CACNA2D3: variants seen among roughly 807,000 people sequenced by gnomAD.
The protein encoded by CACNA2D3 is calcium voltage-gated channel auxiliary subunit alpha2delta 3, also known as voltage-dependent calcium channel subunit alpha-2/delta-3.
A neutral mutation model predicts 160.6 loss-of-function variants in CACNA2D3; 60 were observed. The ratio of observed to expected loss-of-function variants is 0.37; its 90% CI spans 0.30 to 0.46. The LOEUF (loss-of-function observed/expected upper bound fraction) is 0.46. CACNA2D3 is among the 20% of genes least tolerant of loss of function. The pLI, the probability that CACNA2D3 is intolerant of heterozygous loss-of-function variation, is 1.00. For missense variants in CACNA2D3, 1,205 were observed against 1,365.0 expected (o/e 0.88, Z 1.85); for synonymous variants, 558 against 492.9 (o/e 1.13, Z -1.75).
chr3:54,685,052 T>C (rs573660836), intron 11 of CACNA2D3, among the ~76,000 whole-genome samples: 6 of 152,160 alleles, frequency 3.9e-5, no homozygotes, highest in Non-Finnish European at 8.8e-5. Context: ...ATGTGCGTCT[T>C]GGCAGCTGAG....
chr3:54,491,016 ATATATACG>A, intron 4 of CACNA2D3, among the ~76,000 whole-genome samples: 1 of 152,282 alleles, frequency 6.6e-6, no homozygotes, highest in East Asian at 1.9e-4. Context: ...CATATAAGGA[ATATATACG>A]TATCTCATTA....
chr3:54,688,171 C>G (rs997160967), intron 11 of CACNA2D3, among the ~76,000 whole-genome samples: 1 of 152,168 alleles, frequency 6.6e-6, no homozygotes, highest in Non-Finnish European at 1.5e-5. Flanking sequence ...GCAAACATGA[C>G]TCTTTGTCCC....
chr3:54,375,316 A>G (rs534755924), intron 3 of CACNA2D3, among the ~76,000 whole-genome samples: 2 of 152,300 alleles, frequency 1.3e-5, no homozygotes, highest in East Asian at 3.9e-4. Flanking sequence ...ATATTCCCAG[A>G]TGAACACAGT....
At chr3:54,142,983 T>C (rs1699964758) in intron 2 of CACNA2D3, among the ~76,000 whole-genome samples, 1 of 152,194 alleles carries the variant, frequency 6.6e-6, no homozygotes, top group East Asian at 1.9e-4. Context: ...ACAACAACCC[T>C]GAGTGATAAG....
chr3:54,596,436 C>T (rs907380354), intron 9 of CACNA2D3, among the ~76,000 whole-genome samples: 2 of 152,120 alleles, frequency 1.3e-5, no homozygotes, highest in African/African-American at 4.8e-5. Flanking sequence ...TGGCAAACTC[C>T]CTATTAGTAC....
intron 2 of CACNA2D3, among the ~76,000 whole-genome samples, chr3:54,243,902 A>G (rs1702019689): frequency 6.6e-6 from 1 of 152,198 alleles, no homozygotes; most frequent in Non-Finnish European, 1.5e-5. Flanking sequence ...GGAAATTAGA[A>G]TGCATCTGCA....
intron 11 of CACNA2D3, among the ~76,000 whole-genome samples, chr3:54,727,497 G>A (rs1701300493): frequency 6.6e-6 from 1 of 152,134 alleles, no homozygotes; most frequent in Non-Finnish European, 1.5e-5. Context: ...GCAAAGACTT[G>A]GAACCAACCC....
intron 2 of CACNA2D3, among the ~76,000 whole-genome samples, chr3:54,131,504 T>G (rs972043259): frequency 2.6e-5 from 4 of 152,154 alleles, no homozygotes; most frequent in East Asian, 3.9e-4. Flanking sequence ...GCAGATAACC[T>G]CTAATCCCGA....
At chr3:54,473,694 A>G (rs553286424) in intron 4 of CACNA2D3, among the ~76,000 whole-genome samples, 1 of 152,340 alleles carries the variant, frequency 6.6e-6, no homozygotes, top group East Asian at 1.9e-4. Flanking sequence ...CAAGGAAGAA[A>G]CAAACAACCC....
At chr3:54,441,190 G>A (rs1700139079) in intron 4 of CACNA2D3, among the ~76,000 whole-genome samples, 1 of 152,180 alleles carries the variant, frequency 6.6e-6, no homozygotes, top group Admixed American at 6.5e-5. Flanking sequence ...TAACTGGTGT[G>A]AGATGGTATC....
At chr3:54,176,530 A>G (rs1039857955) in intron 2 of CACNA2D3, among the ~76,000 whole-genome samples, 1 of 152,218 alleles carries the variant, frequency 6.6e-6, no homozygotes, top group Non-Finnish European at 1.5e-5. Flanking sequence ...ACTAAAGCTG[A>G]TACTGGAAAC....
At chr3:54,190,494 C>T (rs62252185) in intron 2 of CACNA2D3, among the ~76,000 whole-genome samples, 2,154 of 152,298 alleles carry the variant, frequency 0.014, 21 homozygotes, top group South Asian at 0.027. Flanking sequence ...CCACCTTCCC[C>T]AAATTGAGAG....
At chr3:54,260,461 G>C (rs1445107306) in intron 2 of CACNA2D3, among the ~76,000 whole-genome samples, 1 of 152,178 alleles carries the variant, frequency 6.6e-6, no homozygotes, top group Non-Finnish European at 1.5e-5. Flanking sequence ...CAGAGGGAGC[G>C]TGTCAGTTCA....
intron 2 of CACNA2D3, among the ~76,000 whole-genome samples, chr3:54,244,170 C>T (rs1353501346): frequency 1.3e-5 from 2 of 152,144 alleles, no homozygotes; most frequent in Admixed American, 6.5e-5. Flanking sequence ...CCAGCCTTGA[C>T]AGTCTCCTCC....
intron 11 of CACNA2D3, among the ~76,000 whole-genome samples, chr3:54,655,093 T>C (rs773134102): frequency 2.0e-5 from 3 of 152,240 alleles, no homozygotes; most frequent in Non-Finnish European, 4.4e-5. Flanking sequence ...TTGGCTGGAA[T>C]ACCCAGTAAT....
intron 2 of CACNA2D3, among the ~76,000 whole-genome samples, chr3:54,165,402 C>A (rs1700432403): frequency 6.6e-6 from 1 of 151,944 alleles, no homozygotes; most frequent in African/African-American, 2.4e-5. Flanking sequence ...AGTGAGGACC[C>A]AGTGGAGCAG....
chr3:54,690,952 T>C (rs66795104), intron 11 of CACNA2D3, among the ~76,000 whole-genome samples: 38,937 of 152,004 alleles, frequency 0.26, 5,355 homozygotes, highest in African/African-American at 0.29. Flanking sequence ...GATTATTCTA[T>C]TATTCTATTT....
intron 2 of CACNA2D3, among the ~76,000 whole-genome samples, chr3:54,177,309 G>T (rs1463185586): frequency 6.6e-6 from 1 of 152,150 alleles, no homozygotes; most frequent in African/African-American, 2.4e-5. Flanking sequence ...TTTTTTATCT[G>T]TGGCTTGTTA....
At chr3:54,194,984 G>A (rs541854863) in intron 2 of CACNA2D3, among the ~76,000 whole-genome samples, 7 of 152,290 alleles carry the variant, frequency 4.6e-5, no homozygotes, top group African/African-American at 7.2e-5. Context: ...CTCGCCGGTT[G>A]TACCTACTCT....
Sources: gnomAD v4.1 joint callset for allele counts (sites outside exome capture counted in the v4.1 genomes callset) on GRCh38, gnomAD v4.1.1 for gene constraint, MANE v1.5 for transcripts, NCBI Gene and HGNC (gene_info 2026-07-23, HGNC 2026-07-21) for gene names.